RNF187: variants seen among roughly 807,000 people sequenced by gnomAD.
The protein encoded by RNF187 is ring finger protein 187.
RNF187 carries 18 observed loss-of-function variants against 22.2 expected under a neutral mutation model. The observed-to-expected ratio is 0.81, with a 90% CI of 0.56 to 1.20. The LOEUF is 1.20. RNF187 is among the 50% of genes most tolerant of loss of function. The pLI, the probability that RNF187 is intolerant of heterozygous loss-of-function variation, is 0.00. For synonymous variants in RNF187, 164 were observed against 140.9 expected (o/e 1.16, Z -1.16); for missense variants, 329 against 317.6 (o/e 1.04, Z -0.27).
At position 228,493,755 on chromosome 1, in the gene RNF187, A is replaced by G; in HGVS notation, c.706-128A>G. The G allele has an allele frequency of 1.9e-6, 2 of 1,048,338 alleles. No homozygotes were observed. The highest frequency in any genetic ancestry group is 2.9e-6 in the Non-Finnish European group (2 of 693,420). 64.9% of individuals were successfully genotyped at this position (1,048,338 alleles called of 1,614,324 possible). A position where few individuals can be genotyped will look rare whatever the true frequency, so the allele number is the denominator to read the frequency against. On this transcript the variant is annotated intron_variant, in intron 3 of 3. Transcript: ENST00000305943. The surrounding 1 kb of genome is among the most constrained non-coding windows in gnomAD (Gnocchi z 4.7). ...GCCAGGCCCTGGGTTTGTTGTGCTC[A>G]GGACAGTACCTCATGCGCTGTCTCA...
Position 228,493,783 on chromosome 1 carries a change from T to C in RNF187, c.706-100T>C. On this transcript the variant is annotated intron_variant, in intron 3 of 3. Coordinates refer to ENST00000305943, the MANE Select transcript of RNF187 (RefSeq NM_001010858.3). The surrounding 1 kb of genome is among the most constrained non-coding windows in gnomAD (Gnocchi z 4.7). ...ACAGTACCTCATGCGCTGTCTCATG[T>C]GCGCTCTCTCTTTCGCTCTCTCCTT... The C allele has an allele frequency of 7.0e-6, 9 of 1,282,042 alleles. No homozygotes were observed. The highest frequency in any genetic ancestry group is 8.9e-6 in the Non-Finnish European group (8 of 902,772). 79.4% of individuals were successfully genotyped at this position (1,282,042 alleles called of 1,614,324 possible).
Position 228,494,337 on chromosome 1 carries a change from G to C in RNF187, c.*452G>C. 1 of 1,049,510 alleles carries C rather than the reference G, an allele frequency of 9.5e-7. No individual in the cohort carries two copies. The highest frequency in any genetic ancestry group is 1.7e-5 in the African/African-American group (1 of 60,554). The allele number at this position is 1,049,510 out of a possible 1,614,324, so 65.0% of individuals were successfully genotyped here. ...ATCCAGAAAGAAGAATGCGCATGAC[G>C]CTCTGTGAAGGCTGGAACTCAGGTC... is the stretch of plus-strand genomic sequence containing the variant. On this transcript the variant is annotated 3_prime_UTR_variant, in exon 4 of 4. Transcript: ENST00000305943.
chr1:228,493,796 T>C lies in RNF187; in HGVS notation c.706-87T>C. 7.1e-7 allele frequency: 1 copy of C among 1,410,574 alleles called. No homozygotes were observed. The highest frequency in any genetic ancestry group is 9.8e-7 in the Non-Finnish European group (1 of 1,019,076). The allele number at this position is 1,410,574 out of a possible 1,614,324, so 87.4% of individuals were successfully genotyped here. On this transcript the variant is annotated intron_variant, in intron 3 of 3. Coordinates refer to ENST00000305943, the MANE Select transcript of RNF187 (RefSeq NM_001010858.3). This position sits in a 1 kb window ranked among gnomAD's most constrained non-coding sequence, Gnocchi z 4.7. ...CGCTGTCTCATGTGCGCTCTCTCTTTCGCTCTCTCCTTTTGCCTCTGTCTC... is the reference window on the plus strand; with the variant it reads ...CGCTGTCTCATGTGCGCTCTCTCTTCCGCTCTCTCCTTTTGCCTCTGTCTC...
At chr1:228,487,930 C>T in intron 1 of RNF187, 52 bp downstream of exon 1, 2 of 1,064,838 alleles carry the variant, frequency 1.9e-6, no homozygotes, top group Non-Finnish European at 2.3e-6. Context: ...CTGCGCCTCT[C>T]CGCCCCCGCC....
chr1:228,495,459 A>G lies in RNF187; in HGVS notation c.*1574A>G. ...CCAGAGCCTGGCCAGAGTTTGGCCA[A>G]GTAGAGAATCTTTGTCAGCACGCCA... On this transcript the variant is annotated 3_prime_UTR_variant, in exon 4 of 4. Coordinates refer to ENST00000305943, the MANE Select transcript of RNF187 (RefSeq NM_001010858.3). The G allele has an allele frequency of 2.0e-6, 2 of 985,238 alleles. No homozygotes were observed. The highest frequency in any genetic ancestry group is 2.4e-6 in the Non-Finnish European group (2 of 829,764). 61.0% of individuals were successfully genotyped at this position (985,238 alleles called of 1,614,324 possible).
Position 228,487,518 on chromosome 1 carries a change from C to G in RNF187, c.30C>G (p.Ala10=), listed in dbSNP as rs1300030580. The change falls in exon 1 of 4, where the codon GCC becomes GCG. Residue 10 remains alanine, a synonymous_variant. Transcript: ENST00000305943. ...CGCTCCCTGCGGGCCCCGCCGAGGC[C>G]GCCTGCGCCCTGTGCCAGCGCGCGC... 1 of 1,167,358 alleles carries G rather than the reference C, an allele frequency of 8.6e-7. No homozygotes were observed. The highest frequency in any genetic ancestry group is 4.6e-5 in the East Asian group (1 of 21,642). 72.3% of individuals were successfully genotyped at this position (1,167,358 alleles called of 1,614,324 possible). A position where few individuals can be genotyped will look rare whatever the true frequency, so the allele number is the denominator to read the frequency against.
rs1658856127 is a variant in RNF187 at position 228,487,397 on chromosome 1, C to T, written c.-92C>T. 1.9e-6 allele frequency: 2 copies of T among 1,049,720 alleles called. No homozygotes were observed. The highest frequency in any genetic ancestry group is 2.3e-6 in the Non-Finnish European group (2 of 874,410). 65.0% of individuals were successfully genotyped at this position (1,049,720 alleles called of 1,614,324 possible). A position where few individuals can be genotyped will look rare whatever the true frequency, so the allele number is the denominator to read the frequency against. On this transcript the variant is annotated 5_prime_UTR_variant, in exon 1 of 4. Transcript: ENST00000305943. ...CGTCCCCGGCGTTGGCGTCTTCGTCCTGTTGCTGGTCTCCGTCCGGTCGCC... is the reference window on the plus strand; with the variant it reads ...CGTCCCCGGCGTTGGCGTCTTCGTCTTGTTGCTGGTCTCCGTCCGGTCGCC...
chr1:228,494,458 C>G lies in RNF187; in HGVS notation c.*573C>G. The G allele has an allele frequency of 1.0e-6, 1 of 989,660 alleles. No homozygotes were observed. Among genetic ancestry groups the G allele is most frequent in the Non-Finnish European group, 1.2e-6 (1 of 832,332 alleles). The allele number at this position is 989,660 out of a possible 1,614,324, so 61.3% of individuals were successfully genotyped here. On this transcript the variant is annotated 3_prime_UTR_variant, in exon 4 of 4. Transcript: ENST00000305943. The stretch of plus-strand genomic sequence containing the variant: ...GGCGTGGGCCCGGCCCAGCCTTATC[C>G]AAGTCGCTCTGTCCACCTCCCCCTT...
chr1:228,491,598 G>A, intron 2 of RNF187, among the ~76,000 whole-genome samples: 2 of 151,868 alleles, frequency 1.3e-5, no homozygotes, highest in East Asian at 1.9e-4. Flanking sequence ...GCACCACCAC[G>A]CCTGGCTAAT....
At position 228,491,577 on chromosome 1, in the gene RNF187, A is replaced by G; in HGVS notation, c.484-1476A>G. 2.0e-5 allele frequency among the ~76,000 whole-genome samples: 3 copies of G among 151,916 alleles called. No individual in the cohort carries two copies. In the South Asian group the frequency reaches 6.2e-4, roughly 32 times the overall value. The stretch of plus-strand genomic sequence containing the variant: ...TGCCTCAGCCTCCCGAGTAACTGCG[A>G]CTACAGGTGTGCACCACCACGCCTG... On this transcript the variant is annotated intron_variant, in intron 2 of 3. Transcript: ENST00000305943.
chr1:228,490,447 C>T, intron 2 of RNF187, among the ~76,000 whole-genome samples: 1 of 152,212 alleles, frequency 6.6e-6, no homozygotes, highest in East Asian at 1.9e-4. Context: ...TTTCAGTAAC[C>T]CTGTGTTACC....
Position 228,493,829 on chromosome 1 carries a change from G to T in RNF187, c.706-54G>T. 1 of 1,534,578 alleles carries T rather than the reference G, an allele frequency of 6.5e-7. No individual in the cohort carries two copies. The highest frequency in any genetic ancestry group is 8.8e-7 in the Non-Finnish European group (1 of 1,131,414). ...TCCTTTTGCCTCTGTCTCTGACTCTGTGTGTCTCTTTCTCTTTTTGTCTCT... is the reference window on the plus strand; with the variant it reads ...TCCTTTTGCCTCTGTCTCTGACTCTTTGTGTCTCTTTCTCTTTTTGTCTCT... On this transcript the variant is annotated intron_variant, in intron 3 of 3. Coordinates refer to ENST00000305943, the MANE Select transcript of RNF187 (RefSeq NM_001010858.3). The surrounding 1 kb of genome is among the most constrained non-coding windows in gnomAD (Gnocchi z 4.7).
intron 2 of RNF187, among the ~76,000 whole-genome samples, chr1:228,490,139 G>A: frequency 2.0e-5 from 3 of 152,206 alleles, no homozygotes; most frequent in Admixed American, 6.5e-5. Flanking sequence ...CTTTTCACAG[G>A]TGCAGCAGCT....
chr1:228,495,666 G>C lies in RNF187; in HGVS notation c.*1781G>C. On this transcript the variant is annotated 3_prime_UTR_variant, in exon 4 of 4. Coordinates refer to ENST00000305943, the MANE Select transcript of RNF187 (RefSeq NM_001010858.3). ...CTCCACATCACCAGGTCCGACAGTG[G>C]CTTCACCATCCTCACCTAACCTAGC... The C allele has an allele frequency of 1.0e-6, 1 of 985,466 alleles. No individual in the cohort carries two copies. The highest frequency in any genetic ancestry group is 1.2e-6 in the Non-Finnish European group (1 of 829,948). The allele number at this position is 985,466 out of a possible 1,614,324, so 61.0% of individuals were successfully genotyped here.
intron 1 of RNF187, chr1:228,488,142 G>C: frequency 5.9e-6 from 1 of 169,204 alleles, no homozygotes; most frequent in African/African-American, 2.4e-5. Flanking sequence ...GGTGTCCCCT[G>C]CTGGGCGGTG....
Position 228,494,287 on chromosome 1 carries a change from A to C in RNF187, c.*402A>C. On this transcript the variant is annotated 3_prime_UTR_variant, in exon 4 of 4. Transcript: ENST00000305943. ...CCTTGGCAGGTACCTGAGGTGCACC[A>C]TTGAGTGTCGGATTTGGGGTTAGCA... 8.8e-7 allele frequency: 1 copy of C among 1,136,498 alleles called. No homozygotes were observed. Among genetic ancestry groups the C allele is most frequent in the Non-Finnish European group, 1.1e-6 (1 of 918,808 alleles). 70.4% of individuals were successfully genotyped at this position (1,136,498 alleles called of 1,614,324 possible). A position where few individuals can be genotyped will look rare whatever the true frequency, so the allele number is the denominator to read the frequency against.
intron 2 of RNF187, among the ~76,000 whole-genome samples, chr1:228,492,170 C>T: frequency 6.6e-6 from 1 of 152,046 alleles, no homozygotes; most frequent in Non-Finnish European, 1.5e-5. Flanking sequence ...CTTACCTCAG[C>T]CTCCCGAGTT....
At position 228,495,391 on chromosome 1, in the gene RNF187, T is replaced by C; in HGVS notation, c.*1506T>C. 1 of 825,238 alleles carries C rather than the reference T, an allele frequency of 1.2e-6. No individual in the cohort carries two copies. The highest frequency in any genetic ancestry group is 1.2e-4 in the East Asian group (1 of 8,020). 51.1% of individuals were successfully genotyped at this position (825,238 alleles called of 1,614,324 possible). A position where few individuals can be genotyped will look rare whatever the true frequency, so the allele number is the denominator to read the frequency against. ...ACCAAATTAGGGTTCTTGCTAAAAC[T>C]GGATTTCATAAGAAAGGGCAAAGAG... On this transcript the variant is annotated 3_prime_UTR_variant, in exon 4 of 4. Coordinates refer to ENST00000305943, the MANE Select transcript of RNF187 (RefSeq NM_001010858.3).
intron 1 of RNF187, among the ~76,000 whole-genome samples, 182 bp downstream of exon 1, chr1:228,488,060 GC>G: frequency 6.7e-6 from 1 of 150,144 alleles, no homozygotes; most frequent in Admixed American, 6.6e-5. Flanking sequence ...CGTGTGCTGG[GC>G]CCCTCCCTCC....
Sources: gnomAD v4.1 joint callset for allele counts (sites outside exome capture counted in the v4.1 genomes callset) on GRCh38, gnomAD v4.1.1 for gene constraint, Gnocchi (gnomAD v3.1) non-coding constraint, MANE v1.5 for transcripts, NCBI Gene and HGNC (gene_info 2026-07-23, HGNC 2026-07-21) for gene names.